Variants in SLC4A4 observed in about 807,000 individuals in gnomAD.
SLC4A4 encodes the protein electrogenic sodium bicarbonate cotransporter 1.
Under a neutral mutation model 111.5 loss-of-function variants are expected in SLC4A4, and 27 were observed. The ratio of observed to expected loss-of-function variants is 0.24; its 90% confidence interval spans 0.18 to 0.33. The LOEUF (loss-of-function observed/expected upper bound fraction) is 0.33, where lower values mean the gene tolerates loss of function less well. SLC4A4 is among the 10% of genes least tolerant of loss of function. The probability of loss-of-function intolerance (pLI) is 1.00; values close to 1 mark genes in which losing one functional copy is unlikely to be tolerated. For synonymous variants in SLC4A4, 443 were observed against 463.4 expected, an observed-to-expected ratio of 0.96 and a Z score of 0.57; for missense variants, 909 against 1,315.5, an observed-to-expected ratio of 0.69 and a Z score of 4.78.
Position 71,440,695 on chromosome 4 carries a change from A to G in SLC4A4, c.887A>G (p.Asp296Gly), listed in dbSNP as rs1486098803. The G allele has an allele frequency of 3.7e-6, 6 of 1,613,890 alleles. No individual in the cohort carries two copies. Among genetic ancestry groups the G allele is most frequent in the Non-Finnish European group, 5.1e-6 (6 of 1,179,968 alleles). ...CTTGTTGGGGAGGTTGACTTTTTGG[A>G]TACTCCTTTCATTGCCTTTGTTAGG... ...NVLVGEVDFLDTPFIAFVRLQ... is the reference protein window; with the variant it reads ...NVLVGEVDFLGTPFIAFVRLQ... The change falls in exon 8 of 26, where the codon GAT (aspartate) becomes GGT (glycine). Residue 296 changes from aspartate to glycine, a missense_variant. Coordinates refer to ENST00000264485, the MANE Select transcript of SLC4A4 (RefSeq NM_001098484.3).
At position 71,074,380 on chromosome 4, in the gene SLC4A4, A is replaced by G. The variant is rs1017446655; in HGVS notation, c.-65+11592A>G. 4.6e-5 allele frequency among the ~76,000 whole-genome samples: 7 copies of G among 152,212 alleles called. No individual in the cohort carries two copies. In the South Asian group the frequency reaches 1.0e-3, roughly 22 times the overall value. On this transcript the variant is annotated intron_variant, in intron 1 of 26. Coordinates refer to the SLC4A4 transcript ENST00000649996. ...TTTCATCTGTTTTGCAGAAATGACC[A>G]TTAAAGTATTTTACTAGAAATATAA...
rs1310024598 is a variant in SLC4A4, at chr4:71,241,477, T to A, written c.73+4828T>A. 2.6e-5 allele frequency among the ~76,000 whole-genome samples: 4 copies of A among 152,158 alleles called. No individual in the cohort carries two copies. In the East Asian group the frequency reaches 5.8e-4, roughly 22 times the overall value. ...AGGATATGATGATCATCTACTCGTGTACTGGAGAAGGTAGTATTTTTTTCT... is the reference window on the plus strand; with the variant it reads ...AGGATATGATGATCATCTACTCGTGAACTGGAGAAGGTAGTATTTTTTTCT... On this transcript the variant is annotated intron_variant, in intron 2 of 25. Transcript: ENST00000264485.
intron 6 of SLC4A4, among the ~76,000 whole-genome samples, chr4:71,370,898 T>A (rs1731812384): frequency 6.6e-6 from 1 of 152,216 alleles, no homozygotes; most frequent in Non-Finnish European, 1.5e-5. Context: ...GACCAAACCC[T>A]GGACCAATCC....
At chr4:71,462,406 C>A (rs1012292644) in intron 12 of SLC4A4, among the ~76,000 whole-genome samples, 32 of 151,158 alleles carry the variant, frequency 2.1e-4, no homozygotes, top group African/African-American at 7.3e-4. Context: ...TCCAGTCCAA[C>A]CTCCTCATCT....
chr4:71,114,664 A>G (rs1309909195), intron 2 of SLC4A4, among the ~76,000 whole-genome samples: 1 of 149,292 alleles, frequency 6.7e-6, no homozygotes, highest in Non-Finnish European at 1.5e-5. Context: ...TAGAAAGGCA[A>G]TCATTAAAAA....
At chr4:71,137,174 A>C (rs750053296) in intron 2 of SLC4A4, among the ~76,000 whole-genome samples, 2 of 152,170 alleles carry the variant, frequency 1.3e-5, no homozygotes, top group African/African-American at 2.4e-5. Flanking sequence ...AATTAGCTCC[A>C]AGCCGAGAGA....
intron 18 of SLC4A4, among the ~76,000 whole-genome samples, chr4:71,539,239 A>G (rs2149222276): frequency 6.6e-6 from 1 of 152,194 alleles, no homozygotes; most frequent in Non-Finnish European, 1.5e-5. Flanking sequence ...CTAAAGGGTT[A>G]GCCATAATAA....
chr4:71,556,021 A>T (rs1242561436), intron 21 of SLC4A4, among the ~76,000 whole-genome samples: 1 of 151,976 alleles, frequency 6.6e-6, no homozygotes, highest in African/African-American at 2.4e-5. Flanking sequence ...GTAATATTTT[A>T]ATGGGAAAAG....
chr4:71,435,689 CA>C (rs1441035636), intron 7 of SLC4A4, among the ~76,000 whole-genome samples: 1 of 152,074 alleles, frequency 6.6e-6, no homozygotes, highest in African/African-American at 2.4e-5. Flanking sequence ...CCAGAATCTA[CA>C]AAGAACTTAA....
chr4:71,536,697 T>C (rs992830508), intron 18 of SLC4A4, among the ~76,000 whole-genome samples: 1 of 150,566 alleles, frequency 6.6e-6, no homozygotes, highest in South Asian at 2.1e-4. Flanking sequence ...GTTTTTGCCA[T>C]GTTGGTCAGG....
chr4:71,486,757 G>A (rs1021908092), intron 14 of SLC4A4, among the ~76,000 whole-genome samples, 191 bp from the exon 15 acceptor site: 4 of 151,016 alleles, frequency 2.6e-5, no homozygotes, highest in African/African-American at 9.7e-5. Flanking sequence ...CACAGCAGAT[G>A]TGTCCAAATC....
At chr4:71,399,623 G>T (rs555607999) in intron 7 of SLC4A4, among the ~76,000 whole-genome samples, 1 of 151,198 alleles carries the variant, frequency 6.6e-6, no homozygotes, top group South Asian at 2.1e-4. Context: ...TTTTTACATA[G>T]TTGCCCTCAT....
intron 7 of SLC4A4, among the ~76,000 whole-genome samples, chr4:71,416,206 A>G (rs1721809836): frequency 6.6e-6 from 1 of 152,166 alleles, no homozygotes; most frequent in South Asian, 2.1e-4. Flanking sequence ...TAGTTTTGTG[A>G]TGTTAGCTAT....
At chr4:71,385,644 A>C (rs747896117) in intron 6 of SLC4A4, among the ~76,000 whole-genome samples, 6 of 152,224 alleles carry the variant, frequency 3.9e-5, no homozygotes, top group Non-Finnish European at 7.3e-5. Flanking sequence ...AACTGTAAGT[A>C]CATTTTCTTT....
At position 71,122,490 on chromosome 4, in the gene SLC4A4, A is replaced by G. The variant is rs563518269; in HGVS notation, c.-2+29698A>G. Among the ~76,000 whole-genome samples the G allele has an allele frequency of 3.9e-5, 6 of 152,268 alleles. No individual in the cohort carries two copies. The South Asian group carries it at 1.2e-3, about 32-fold the overall frequency. On this transcript the variant is annotated intron_variant, in intron 2 of 26. Coordinates refer to the SLC4A4 transcript ENST00000649996. ...TACAGCTATGTGGTAGAATTCCACCACTGAGCATTTTCAGAAGAAGACAAT... is the reference window on the plus strand; with the variant it reads ...TACAGCTATGTGGTAGAATTCCACCGCTGAGCATTTTCAGAAGAAGACAAT...
At chr4:71,391,323 G>T (rs894687393) in intron 6 of SLC4A4, among the ~76,000 whole-genome samples, 4 of 151,978 alleles carry the variant, frequency 2.6e-5, no homozygotes, top group African/African-American at 9.7e-5. Flanking sequence ...TTGTCCATGG[G>T]TTCTCTATTG....
intron 3 of SLC4A4, chr4:71,300,869 A>G: frequency 6.1e-6 from 3 of 487,888 alleles, no homozygotes; most frequent in South Asian, 4.9e-5. Flanking sequence ...GCCCGCTTCC[A>G]ATCTTGAGAT....
At chr4:71,409,092 T>G (rs1238555861) in intron 7 of SLC4A4, among the ~76,000 whole-genome samples, 2 of 152,238 alleles carry the variant, frequency 1.3e-5, no homozygotes, top group African/African-American at 4.8e-5. Flanking sequence ...CATGTGGAAC[T>G]GTAAGTTCAA....
chr4:71,144,855 G>A (rs1032609274), intron 2 of SLC4A4, among the ~76,000 whole-genome samples: 82 of 152,184 alleles, frequency 5.4e-4, no homozygotes, highest in African/African-American at 3.1e-4. Context: ...GGACTGAGAC[G>A]ATGGGGTTTT....
Sources: gnomAD v4.1 joint callset for allele counts (sites outside exome capture counted in the v4.1 genomes callset) on GRCh38, gnomAD v4.1.1 for gene constraint, MANE v1.5 for transcripts, NCBI Gene and HGNC (gene_info 2026-07-23, HGNC 2026-07-21) for gene names.